Variants in GLOD4 observed in about 807,000 individuals in gnomAD.
The protein encoded by GLOD4 is glyoxalase domain containing 4.
Under a neutral mutation model 39.1 loss-of-function variants are expected in GLOD4, and 44 were observed. The ratio of observed to expected loss-of-function variants is 1.13; its 90% CI spans 0.88 to 1.45. The LOEUF is 1.45. Among genes scored for constraint, GLOD4 ranks in the 40% most tolerant of loss-of-function variants. The probability of loss-of-function intolerance (pLI) is 0.00; values close to 1 mark genes in which losing one functional copy is unlikely to be tolerated. For missense variants in GLOD4, 405 were observed against 366.4 expected (o/e 1.11, Z -0.86); for synonymous variants, 145 against 135.0 (o/e 1.07, Z -0.52).
chr17:782,132 T>C, intron 1 of GLOD4, 34 bp downstream of exon 1: 1 of 1,522,554 alleles, frequency 6.6e-7, no homozygotes. Context: ...GGTTCCAGCC[T>C]CGCGCGCCAG....
intron 8 of GLOD4, among the ~76,000 whole-genome samples, chr17:760,665 TAGTG>T (rs1219878768): frequency 6.6e-6 from 1 of 152,228 alleles, no homozygotes; most frequent in East Asian, 1.9e-4. Flanking sequence ...CTCAGTCTGA[TAGTG>T]AGGCCAAATA....
intron 8 of GLOD4, among the ~76,000 whole-genome samples, chr17:769,484 G>A (rs1219492704): frequency 6.8e-6 from 1 of 147,970 alleles, no homozygotes. Flanking sequence ...GTCAGATGGA[G>A]GCATCTCCAT....
upstream of GLOD4, chr17:783,349 C>CTTTTTTTT (rs35144249): frequency 8.2e-7 from 1 of 1,223,794 alleles, no homozygotes. Flanking sequence ...CCCAGTGTAT[C>CTTTTTTTT]TTTTTTTTTT....
chr17:782,589 C>A, upstream of GLOD4: 1 of 1,614,036 alleles, frequency 6.2e-7, no homozygotes, highest in Non-Finnish European at 8.5e-7. Context: ...CCAGGAGCAA[C>A]GAGAGAAACA....
At chr17:761,982 T>C (rs1905528439) in intron 8 of GLOD4, among the ~76,000 whole-genome samples, 1 of 152,206 alleles carries the variant, frequency 6.6e-6, no homozygotes, top group African/African-American at 2.4e-5. Context: ...GGGTAGAGAA[T>C]GTCCAAAAAT....
At chr17:781,573 C>T (rs138770255) in intron 1 of GLOD4, among the ~76,000 whole-genome samples, 4 of 152,304 alleles carry the variant, frequency 2.6e-5, no homozygotes, top group African/African-American at 9.6e-5. Context: ...GGTGTGTTCC[C>T]TACCTCCCTG....
chr17:766,639 C>T (rs1365581440), intron 8 of GLOD4, among the ~76,000 whole-genome samples: 1 of 152,084 alleles, frequency 6.6e-6, no homozygotes, highest in Non-Finnish European at 1.5e-5. Context: ...GTGGCTCACA[C>T]CTGTAATCCC....
At chr17:767,575 A>G (rs542192756) in intron 8 of GLOD4, among the ~76,000 whole-genome samples, 3 of 151,322 alleles carry the variant, frequency 2.0e-5, no homozygotes, top group East Asian at 2.0e-4. Context: ...AACAGCGCAC[A>G]CTCAGATTTT....
chr17:775,659 T>C, intron 4 of GLOD4, 116 bp downstream of exon 4: 1 of 800,280 alleles, frequency 1.2e-6, no homozygotes, highest in African/African-American at 1.7e-5. Flanking sequence ...AAGCACTGGC[T>C]GGGGAAGACA....
chr17:777,675 A>G (rs528513425), intron 2 of GLOD4: 1 of 152,228 alleles, frequency 6.6e-6, no homozygotes, highest in East Asian at 1.9e-4. Flanking sequence ...CCGCTGCTTC[A>G]TCTAGAGCAT....
chr17:773,186 G>T (rs1231034478), intron 4 of GLOD4, among the ~76,000 whole-genome samples: 1 of 152,130 alleles, frequency 6.6e-6, no homozygotes, highest in Non-Finnish European at 1.5e-5. Flanking sequence ...TAGTTTGATG[G>T]AATGTACCAA....
intron 8 of GLOD4, among the ~76,000 whole-genome samples, chr17:760,459 T>C (rs1218690543): frequency 6.6e-6 from 1 of 152,128 alleles, no homozygotes; most frequent in Non-Finnish European, 1.5e-5. Flanking sequence ...AGGCAAGAGA[T>C]ACTGGTGATA....
At chr17:776,020 A>C in intron 3 of GLOD4, 101 bp from the exon 4 acceptor site, 1 of 845,784 alleles carries the variant, frequency 1.2e-6, no homozygotes, top group Non-Finnish European at 1.9e-6. Context: ...TTTAGGTAAA[A>C]TCACCTAAGA....
chr17:771,289 C>A (rs1275673432), intron 5 of GLOD4, 36 bp downstream of exon 5: 1 of 1,452,654 alleles, frequency 6.9e-7, no homozygotes, highest in Non-Finnish European at 9.4e-7. Context: ...AAGCCAAATT[C>A]AAAGTAACAG....
chr17:785,438 T>C (rs2144519779), upstream of GLOD4, among the ~76,000 whole-genome samples: 1 of 152,304 alleles, frequency 6.6e-6, no homozygotes, highest in Admixed American at 6.5e-5. Context: ...TTTTATCATG[T>C]AGAGATCATT....
chr17:775,693 A>G, intron 4 of GLOD4, 82 bp downstream of exon 4: 1 of 1,149,958 alleles, frequency 8.7e-7, no homozygotes, highest in Non-Finnish European at 1.3e-6. Context: ...CAGACTCTAC[A>G]AAAAAAAGAC....
At chr17:781,953 C>A (rs1238308012) in intron 1 of GLOD4, 1 of 552,152 alleles carries the variant, frequency 1.8e-6, no homozygotes, top group Non-Finnish European at 3.2e-6. Context: ...GTGGGCACAC[C>A]GCGGGGACTA....
At chr17:782,442 TG>T, upstream of GLOD4, 1 of 1,613,994 alleles carries the variant, frequency 6.2e-7, no homozygotes, top group Non-Finnish European at 8.5e-7. Context: ...GGTCCAGGCT[TG>T]GGACCTTGAC....
In GLOD4 at chr17:770,036, ATACT is replaced by A. The variant is rs766169780; in HGVS notation, c.744+4_744+7del. On this transcript the variant is annotated splice_donor_5th_base_variant and intron_variant, in intron 7 of 8. Coordinates refer to ENST00000301329, the MANE Select transcript of GLOD4 (RefSeq NM_016080.4). ...GTCCAGCCTGCCCCCTGCCTGAGAAATACTTACAGGGTCGGCCAGAATGACCACC... is the reference window on the plus strand; with the variant it reads ...GTCCAGCCTGCCCCCTGCCTGAGAAATACAGGGTCGGCCAGAATGACCACC... 14 of 1,590,576 alleles carry A rather than the reference ATACT, an allele frequency of 8.8e-6. No homozygotes were observed. The highest frequency in any genetic ancestry group is 6.7e-5 in the Admixed American group (4 of 59,962).
Sources: allele counts gnomAD v4.1 joint callset (sites outside exome capture counted in the v4.1 genomes callset), GRCh38; gene constraint gnomAD v4.1.1; transcripts MANE v1.5; gene names NCBI Gene and HGNC (gene_info 2026-07-23, HGNC 2026-07-21).